PHACTR2: variants seen among roughly 807,000 people sequenced by gnomAD.
PHACTR2 encodes the protein chromosome 6 open reading frame 56.
In PHACTR2, 30 loss-of-function variants were observed where a neutral mutation model predicts 76.0. The observed-to-expected ratio is 0.39, with a 90% confidence interval of 0.30 to 0.54. The LOEUF is 0.54. Ranked by LOEUF, PHACTR2 falls within the 20% of genes least tolerant of loss-of-function variation. The pLI is 0.61. For missense variants in PHACTR2, 696 were observed against 781.1 expected (o/e 0.89, Z 1.30); for synonymous variants, 292 against 292.5 (o/e 1.00, Z 0.02).
intron 11 of PHACTR2, among the ~76,000 whole-genome samples, chr6:143,797,719 G>T (rs1775859609): frequency 1.3e-5 from 2 of 152,138 alleles, no homozygotes; most frequent in African/African-American, 4.8e-5. Context: ...TCAGGTGGTG[G>T]ATGTGTGGTG....
At chr6:143,707,183 AT>A (rs1778074498) in intron 1 of PHACTR2, among the ~76,000 whole-genome samples, 2 of 147,314 alleles carry the variant, frequency 1.4e-5, no homozygotes, top group South Asian at 2.1e-4. Flanking sequence ...GCACAAAAAA[AT>A]AACAAAGCCT....
Position 143,549,026 on chromosome 6 carries a change from G to C in PHACTR2, c.217+11819G>C, listed in dbSNP as rs1292319202. Among the ~76,000 whole-genome samples, 2 of 151,838 alleles carry C rather than the reference G, an allele frequency of 1.3e-5. No homozygotes were observed. Among genetic ancestry groups the C allele is most frequent in the Non-Finnish European group, 2.9e-5 (2 of 67,920 alleles). On this transcript the variant is annotated intron_variant, in intron 1 of 11. Coordinates refer to the PHACTR2 transcript ENST00000367584. The surrounding 1 kb of genome is among the most constrained non-coding windows in gnomAD (Gnocchi z 4.2). ...GAGTATAAAGAGTACAGGGAAGAAGGCTTGGCCATGAAGACAGGCATTCTC... is the reference window on the plus strand; with the variant it reads ...GAGTATAAAGAGTACAGGGAAGAAGCCTTGGCCATGAAGACAGGCATTCTC...
intron 1 of PHACTR2, among the ~76,000 whole-genome samples, chr6:143,690,547 T>C (rs1198806812): frequency 1.3e-5 from 2 of 152,230 alleles, no homozygotes; most frequent in Non-Finnish European, 2.9e-5. Flanking sequence ...GTCGAGAGCT[T>C]GGCTGGGACA....
Position 143,782,368 on chromosome 6 carries a change from A to G in PHACTR2, c.1646-851A>G, listed in dbSNP as rs558379827. Among the ~76,000 whole-genome samples, 11 of 152,344 alleles carry G rather than the reference A, an allele frequency of 7.2e-5. No homozygotes were observed. In the East Asian group the frequency reaches 2.1e-3, roughly 29 times the overall value. ...TTCTAAAACATAATCTTTCATAAGC[A>G]TCGGTATCCAAGAAGCAAAATGTAT... On this transcript the variant is annotated intron_variant, in intron 9 of 12. Coordinates refer to ENST00000440869, the MANE Select transcript of PHACTR2 (RefSeq NM_001100164.2). The surrounding 1 kb of genome is among the most constrained non-coding windows in gnomAD (Gnocchi z 4.6).
chr6:143,612,307 G>A (rs1455092704), intron 1 of PHACTR2, among the ~76,000 whole-genome samples: 1 of 152,118 alleles, frequency 6.6e-6, no homozygotes, highest in Non-Finnish European at 1.5e-5. Flanking sequence ...GAAAATGTAA[G>A]CACGAAGACA....
At position 143,775,485 on chromosome 6, in the gene PHACTR2, A is replaced by AG; in HGVS notation, c.1589+1270_1589+1271insG. On this transcript the variant is annotated intron_variant, in intron 8 of 12. Transcript: ENST00000440869. This position sits in a 1 kb window ranked among gnomAD's most constrained non-coding sequence, Gnocchi z 4.4. The stretch of plus-strand genomic sequence containing the variant: ...AAACTTGCCATCTTACCAAGGAAAA[A>AG]CAAGGGGCCTCTCTGAGGCCCAGAG... 6.6e-6 allele frequency among the ~76,000 whole-genome samples: 1 copy of AG among 152,284 alleles called. No individual in the cohort carries two copies. The highest frequency in any genetic ancestry group is 1.5e-5 in the Non-Finnish European group (1 of 68,026).
intron 6 of PHACTR2, among the ~76,000 whole-genome samples, chr6:143,770,493 T>C (rs1775076376): frequency 6.6e-6 from 1 of 152,220 alleles, no homozygotes; most frequent in Non-Finnish European, 1.5e-5. Context: ...CTGGTTAAAA[T>C]GGCAAATTTT....
rs1223532615 is a variant in PHACTR2 at position 143,562,738 on chromosome 6, A to C, written c.217+25531A>C. Among the ~76,000 whole-genome samples, 1 of 152,246 alleles carries C rather than the reference A, an allele frequency of 6.6e-6. No homozygotes were observed. Among genetic ancestry groups the C allele is most frequent in the African/African-American group, 2.4e-5 (1 of 41,468 alleles). ...CTAAGGCATTGGAAATAGATCATCC[A>C]CAGTTATTCCTAAAAGGTAATGAGT... On this transcript the variant is annotated intron_variant, in intron 1 of 11. Coordinates refer to the PHACTR2 transcript ENST00000367584. The surrounding 1 kb of genome is among the most constrained non-coding windows in gnomAD (Gnocchi z 5.1).
At chr6:143,815,897 A>C (rs1776285473) in intron 12 of PHACTR2, among the ~76,000 whole-genome samples, 1 of 142,668 alleles carries the variant, frequency 7.0e-6, no homozygotes, top group South Asian at 2.1e-4. Context: ...GTCTCAAGAA[A>C]AAAAAAAAAA....
At position 143,599,376 on chromosome 6, in the gene PHACTR2, C is replaced by A. The variant is rs1206120983; in HGVS notation, c.217+62169C>A. ...TTTTAGGCATTTTTAGGAATTTTGGCCCTGCCTGGACCACACTGTTTATTG... is the reference window on the plus strand; with the variant it reads ...TTTTAGGCATTTTTAGGAATTTTGGACCTGCCTGGACCACACTGTTTATTG... On this transcript the variant is annotated intron_variant, in intron 1 of 11. Transcript: ENST00000367584. This position sits in a 1 kb window ranked among gnomAD's most constrained non-coding sequence, Gnocchi z 4.6. Among the ~76,000 whole-genome samples, 2 of 152,030 alleles carry A rather than the reference C, an allele frequency of 1.3e-5. No homozygotes were observed. Among genetic ancestry groups the A allele is most frequent in the African/African-American group, 4.8e-5 (2 of 41,392 alleles).
chr6:143,736,935 C>T (rs1333661829), intron 2 of PHACTR2, among the ~76,000 whole-genome samples: 4 of 151,890 alleles, frequency 2.6e-5, no homozygotes, highest in South Asian at 2.1e-4. Context: ...TGTGTTTTCA[C>T]ATGTGGAAAT....
rs1183745563 is a variant in PHACTR2 at position 143,827,157 on chromosome 6, T to TATATATAC, written c.*3475_*3476insCATATATA. ...GCTGCGTTGGCATTAAAAAAGAAAA[T>TATATATAC]ATATATATATATATATATATATATA... On this transcript the variant is annotated 3_prime_UTR_variant, in exon 13 of 13. Transcript: ENST00000440869. 0.025 allele frequency: 513 copies of TATATATAC among 20,512 alleles called. 6 individuals are homozygous for TATATATAC. The highest frequency in any genetic ancestry group is 0.039 in the Non-Finnish European group (408 of 10,474). 1.3% of individuals were successfully genotyped at this position (20,512 alleles called of 1,614,324 possible).
rs145545681 is a variant in PHACTR2, at chr6:143,735,489, G to A, written c.215-13496G>A. Among the ~76,000 whole-genome samples the A allele has an allele frequency of 6.2e-4, 94 of 151,786 alleles. 1 individual carries two copies. The East Asian group carries it at 0.016, about 26-fold the overall frequency. ...ACCATCTTAGCCATTTTAGGTTTAC[G>A]GTTCAGTAGTGTTAAGTATATTCAC... On this transcript the variant is annotated intron_variant, in intron 2 of 12. Transcript: ENST00000440869.
Position 143,783,610 on chromosome 6 carries a change from C to A in PHACTR2, c.1707+330C>A, listed in dbSNP as rs139291296. 2.9e-3 allele frequency among the ~76,000 whole-genome samples: 437 copies of A among 152,106 alleles called. 2 individuals are homozygous for A. The highest frequency in any genetic ancestry group is 8.4e-3 in the African/African-American group (347 of 41,506). On this transcript the variant is annotated intron_variant, in intron 10 of 12. Transcript: ENST00000440869. This position sits in a 1 kb window ranked among gnomAD's most constrained non-coding sequence, Gnocchi z 5.2. The stretch of plus-strand genomic sequence containing the variant: ...CTCCAGGCTGGGAGACAGAATGAGA[C>A]CCTGTCTCAAAAAAATGAAATAAAA...
chr6:143,726,702 C>T (rs1344789493), intron 2 of PHACTR2, among the ~76,000 whole-genome samples: 1 of 152,152 alleles, frequency 6.6e-6, no homozygotes, highest in Non-Finnish European at 1.5e-5. Flanking sequence ...GATACTGCTG[C>T]TCTGAACATA....
intron 2 of PHACTR2, among the ~76,000 whole-genome samples, chr6:143,736,949 G>C (rs1778837672): frequency 6.6e-6 from 1 of 151,812 alleles, no homozygotes; most frequent in Admixed American, 6.6e-5. Flanking sequence ...TGGAAATAAA[G>C]GCTCAGAGAA....
chr6:143,811,884 AG>A lies in PHACTR2; in HGVS notation c.1922+4753del, dbSNP rs927784617. Among the ~76,000 whole-genome samples, 2 of 152,236 alleles carry A rather than the reference AG, an allele frequency of 1.3e-5. No homozygotes were observed. The highest frequency in any genetic ancestry group is 4.8e-5 in the African/African-American group (2 of 41,470). ...ACATTTAGCAAATTGTTCATAAAAA[AG>A]GTGGTGGTACTCTTAGTACCAGCCT... On this transcript the variant is annotated intron_variant, in intron 12 of 12. Coordinates refer to ENST00000440869, the MANE Select transcript of PHACTR2 (RefSeq NM_001100164.2). This position sits in a 1 kb window ranked among gnomAD's most constrained non-coding sequence, Gnocchi z 4.1.
chr6:143,764,853 T>C lies in PHACTR2; in HGVS notation c.695-408T>C, dbSNP rs908081352. 2.0e-5 allele frequency among the ~76,000 whole-genome samples: 3 copies of C among 152,206 alleles called. No individual in the cohort carries two copies. Among genetic ancestry groups the C allele is most frequent in the African/African-American group, 7.2e-5 (3 of 41,452 alleles). On this transcript the variant is annotated intron_variant, in intron 5 of 12. Coordinates refer to ENST00000440869, the MANE Select transcript of PHACTR2 (RefSeq NM_001100164.2). This position sits in a 1 kb window ranked among gnomAD's most constrained non-coding sequence, Gnocchi z 4.7. ...AAGACAGCATAGAACATGTATAATT[T>C]ATGATGAGCCTAATTGTGTGCTACA...
At chr6:143,706,698 C>A (rs532503224) in intron 1 of PHACTR2, among the ~76,000 whole-genome samples, 4 of 152,292 alleles carry the variant, frequency 2.6e-5, no homozygotes, top group Admixed American at 2.0e-4. Context: ...ATTTATCTTA[C>A]CCTTAAAAGG....
Sources: gnomAD v4.1 joint callset for allele counts (sites outside exome capture counted in the v4.1 genomes callset) on GRCh38, gnomAD v4.1.1 for gene constraint, Gnocchi (gnomAD v3.1) non-coding constraint, MANE v1.5 for transcripts, NCBI Gene and HGNC (gene_info 2026-07-23, HGNC 2026-07-21) for gene names.